The following DNAJC14 variants were observed in gnomAD, a reference collection of about 807,000 sequenced individuals.
The protein encoded by DNAJC14 is DnaJ heat shock protein family (Hsp40) member C14.
A neutral mutation model predicts 68.8 loss-of-function variants in DNAJC14; 12 were observed. That is an observed-to-expected ratio of 0.17 (90% CI 0.11 to 0.28). DNAJC14 has a LOEUF of 0.28. DNAJC14 is among the 10% of genes least tolerant of loss of function. The pLI is 1.00. For synonymous variants in DNAJC14, 350 were observed against 321.5 expected (o/e 1.09, Z -0.95); for missense variants, 764 against 875.6 (o/e 0.87, Z 1.61).
intron 6 of DNAJC14, 40 bp from the exon 7 acceptor site, chr12:55,822,227 G>A (rs1348519725): frequency 6.5e-7 from 1 of 1,543,224 alleles, no homozygotes; most frequent in African/African-American, 1.4e-5. Context: ...AGATGTTAGA[G>A]TCATATGGTT....
intron 1 of DNAJC14, chr12:55,829,278 C>G (rs568538255): frequency 3.5e-4 from 303 of 862,812 alleles, no homozygotes; most frequent in Non-Finnish European, 4.0e-4. Context: ...AACTCCGTCT[C>G]TACTAAAAAT....
intron 2 of DNAJC14, among the ~76,000 whole-genome samples, chr12:55,824,615 C>G (rs756347357): frequency 3.3e-5 from 5 of 152,196 alleles, no homozygotes; most frequent in Admixed American, 3.3e-4. Context: ...CCCAGAGACA[C>G]TCTGGTCCAG....
At chr12:55,823,735 C>T (rs1037502523) in intron 2 of DNAJC14, among the ~76,000 whole-genome samples, 6 of 137,254 alleles carry the variant, frequency 4.4e-5, no homozygotes, top group Admixed American at 7.8e-5. Flanking sequence ...GATGAAGTCT[C>T]GCTCTGTCAC....
At chr12:55,826,595 A>C (rs942872728) in intron 2 of DNAJC14, among the ~76,000 whole-genome samples, 1 of 151,786 alleles carries the variant, frequency 6.6e-6, no homozygotes, top group African/African-American at 2.4e-5. Flanking sequence ...AGGTCAGGAG[A>C]TCGAGACCAT....
At position 55,828,839 on chromosome 12, in the gene DNAJC14, C is replaced by T. The variant is rs1880881327; in HGVS notation, c.-56-125G>A. The stretch of plus-strand genomic sequence containing the variant: ...TTTTCCCAAGTTCTTTTGGGGCATT[C>T]GCTATTCCTAGCAATAAGCCAAAAC... On this transcript the variant is annotated intron_variant, in intron 1 of 6. Coordinates refer to ENST00000678005, the MANE Select transcript of DNAJC14 (RefSeq NM_032364.6). The T allele has an allele frequency of 3.8e-5, 48 of 1,250,664 alleles. 1 individual carries two copies. In the South Asian group the frequency reaches 8.5e-4, roughly 22 times the overall value. 77.5% of individuals were successfully genotyped at this position (1,250,664 alleles called of 1,614,324 possible).
At chr12:55,829,662 G>T (rs2136223128), upstream of DNAJC14, 1 of 958,690 alleles carries the variant, frequency 1.0e-6, no homozygotes, top group Non-Finnish European at 1.2e-6. Flanking sequence ...GGGAAGAGAC[G>T]GGAAGGAAAA....
rs753687389 is a variant in DNAJC14 at position 55,822,199 on chromosome 12, CAG to C, written c.1899-14_1899-13del. 15 of 1,568,714 alleles carry C rather than the reference CAG, an allele frequency of 9.6e-6. No individual in the cohort carries two copies. In the South Asian group the frequency reaches 1.1e-4, roughly 11 times the overall value. On this transcript the variant is annotated splice_polypyrimidine_tract_variant and intron_variant, in intron 6 of 6. Coordinates refer to ENST00000678005, the MANE Select transcript of DNAJC14 (RefSeq NM_032364.6). The stretch of plus-strand genomic sequence containing the variant: ...CATCTGGGGTGGCTCTGAGGTAAAA[CAG>C]AAGAAATAAGGCAAGAGATGTTAGA...
intron 1 of DNAJC14, 37 bp downstream of exon 1, chr12:55,829,452 C>T (rs1225262301): frequency 1.1e-6 from 1 of 929,054 alleles, no homozygotes; most frequent in Non-Finnish European, 1.2e-6. Flanking sequence ...CTCAAAAAAA[C>T]AAAAAAAAAC....
chr12:55,829,618 C>A, upstream of DNAJC14: 4 of 985,172 alleles, frequency 4.1e-6, no homozygotes, highest in Non-Finnish European at 4.8e-6. Context: ...CGGCCGCCGG[C>A]GACCTGGGCC....
chr12:55,827,031 T>C (rs1880814485), intron 2 of DNAJC14, among the ~76,000 whole-genome samples: 1 of 148,272 alleles, frequency 6.7e-6, no homozygotes, highest in African/African-American at 2.5e-5. Context: ...CTACTAAAAA[T>C]ACAAAAAAAA....
Position 55,828,705 on chromosome 12 carries a change from G to A in DNAJC14, c.-47C>T. 3 of 1,557,578 alleles carry A rather than the reference G, an allele frequency of 1.9e-6. No individual in the cohort carries two copies. Among genetic ancestry groups the A allele is most frequent in the Non-Finnish European group, 2.6e-6 (3 of 1,150,668 alleles). Reference sequence around the variant, plus strand: ...TCTTAGGTCACAGCCATCATGGTGTGTTCTGATGCCTGTAACAGATATCAA... The same window carrying A: ...TCTTAGGTCACAGCCATCATGGTGTATTCTGATGCCTGTAACAGATATCAA... On this transcript the variant is annotated 5_prime_UTR_variant, in exon 2 of 7. Transcript: ENST00000678005.
At chr12:55,822,307 CA>C in intron 6 of DNAJC14, 65 bp downstream of exon 6, 2 of 1,566,856 alleles carry the variant, frequency 1.3e-6, no homozygotes, top group Non-Finnish European at 8.7e-7. Context: ...TCCTAAAAAG[CA>C]GGTCATCTGA....
Position 55,822,434 on chromosome 12 carries a change from G to A in DNAJC14, c.1837C>T (p.His613Tyr). 6.2e-7 allele frequency: 1 copy of A among 1,613,744 alleles called. No individual in the cohort carries two copies. The highest frequency in any genetic ancestry group is 8.5e-7 in the Non-Finnish European group (1 of 1,180,002). ...CQRVGISPDT[H>Y]RVPYHISFGS... The stretch of plus-strand genomic sequence containing the variant: ...AATGAGATGTGATAGGGGACTCTGT[G>A]GGTATCTGGGGAGATACCTACACGC... Residue 613 changes from histidine to tyrosine, a missense_variant, in exon 6 of 7, where the codon CAC (histidine) becomes TAC (tyrosine). Physicochemically the swap from His to Tyr is moderately conservative, Grantham distance 83 (BLOSUM62 2). Coordinates refer to ENST00000678005, the MANE Select transcript of DNAJC14 (RefSeq NM_032364.6).
At position 55,827,366 on chromosome 12, in the gene DNAJC14, G is replaced by T; in HGVS notation, c.1293C>A (p.Leu431=). ...YCQPEEEVAR[L]LTMAGVPEDE... ...CCTCAGGAACCCCAGCCATGGTCAA[G>T]AGTCGAGCCACTTCCTCTTCAGGCT... Residue 431 remains leucine, a synonymous_variant, in exon 2 of 7, where the codon CTC becomes CTA. Transcript: ENST00000678005. The T allele has an allele frequency of 6.2e-7, 1 of 1,613,828 alleles. No individual in the cohort carries two copies. Among genetic ancestry groups the T allele is most frequent in the Admixed American group, 1.7e-5 (1 of 59,968 alleles).
Position 55,821,799 on chromosome 12 carries a change from G to T in DNAJC14, c.*178C>A. The T allele has an allele frequency of 1.9e-6, 1 of 538,234 alleles. No homozygotes were observed. 33.3% of individuals were successfully genotyped at this position (538,234 alleles called of 1,614,324 possible). A position where few individuals can be genotyped will look rare whatever the true frequency, so the allele number is the denominator to read the frequency against. On this transcript the variant is annotated 3_prime_UTR_variant, in exon 7 of 7. Coordinates refer to ENST00000678005, the MANE Select transcript of DNAJC14 (RefSeq NM_032364.6). ...TTGAACCCGGGAGACAGAGGTTGCA[G>T]TAAGCTGAGATCACACCACTGCACT... is the stretch of plus-strand genomic sequence containing the variant.
chr12:55,830,383 G>C (rs1028749142), upstream of DNAJC14: 1 of 152,186 alleles, frequency 6.6e-6, no homozygotes, highest in Non-Finnish European at 1.5e-5. Context: ...ACCCAGTTGG[G>C]TCCCCGTTCC....
chr12:55,826,786 G>A lies in DNAJC14; in HGVS notation c.1407+466C>T, dbSNP rs139735990. On this transcript the variant is annotated intron_variant, in intron 2 of 6. Transcript: ENST00000678005. ...TGCACTCCAGCCTGGGCGATAGAGC[G>A]TGACTCCGTCTCAAGAAAAAAAAAA... 8.7e-3 allele frequency among the ~76,000 whole-genome samples: 1,307 copies of A among 150,662 alleles called. 21 individuals are homozygous for A. Among genetic ancestry groups the A allele is most frequent in the African/African-American group, 0.03 (1,236 of 40,962 alleles).
chr12:55,826,812 AAAG>A (rs1290354731), intron 2 of DNAJC14, among the ~76,000 whole-genome samples: 11 of 151,568 alleles, frequency 7.3e-5, no homozygotes, highest in South Asian at 2.1e-4. Flanking sequence ...AAAAAAAAAA[AAAG>A]AAGAACGTTA....
chr12:55,827,241 A>T lies in DNAJC14; in HGVS notation c.1407+11T>A. 1 of 1,436,860 alleles carries T rather than the reference A, an allele frequency of 7.0e-7. No homozygotes were observed. Among genetic ancestry groups the T allele is most frequent in the Non-Finnish European group, 9.2e-7 (1 of 1,089,996 alleles). 89.0% of individuals were successfully genotyped at this position (1,436,860 alleles called of 1,614,324 possible). On this transcript the variant is annotated intron_variant, in intron 2 of 6. Coordinates refer to ENST00000678005, the MANE Select transcript of DNAJC14 (RefSeq NM_032364.6). Reference sequence around the variant, plus strand: ...ACAAAAGAGAGAAACAGGAAACAGAAGGGTACTCACCATCACTGCCAGCTG... The same window carrying T: ...ACAAAAGAGAGAAACAGGAAACAGATGGGTACTCACCATCACTGCCAGCTG...
Sources: allele counts gnomAD v4.1 joint callset (sites outside exome capture counted in the v4.1 genomes callset), GRCh38; gene constraint gnomAD v4.1.1; transcripts MANE v1.5; gene names NCBI Gene and HGNC (gene_info 2026-07-23, HGNC 2026-07-21).